Variants in LRRC37B observed in about 807,000 individuals in gnomAD.
The protein encoded by LRRC37B is leucine rich repeat containing 37B.
LRRC37B carries 28 observed loss-of-function variants against 98.3 expected under a neutral mutation model. That is an observed-to-expected ratio of 0.28 (90% CI 0.21 to 0.39). The LOEUF is 0.39. LRRC37B is among the 10% of genes least tolerant of loss of function. The probability of loss-of-function intolerance (pLI) is 1.00; values close to 1 mark genes in which losing one functional copy is unlikely to be tolerated. For synonymous variants in LRRC37B, 364 were observed against 442.7 expected, an observed-to-expected ratio of 0.82 and a Z score of 2.23; for missense variants, 938 against 1,182.7, an observed-to-expected ratio of 0.79 and a Z score of 3.03.
chr17:32,027,673 C>T (rs1911007481), intron 2 of LRRC37B, 96 bp from the exon 6 acceptor site: 6 of 1,118,280 alleles, frequency 5.4e-6, no homozygotes, highest in Non-Finnish European at 2.6e-6. Context: ...TTGAAATGAC[C>T]ATGACCCAGC....
At chr17:32,014,382 C>T (rs1409926972) in intron 1 of LRRC37B, among the ~76,000 whole-genome samples, 2 of 152,012 alleles carry the variant, frequency 1.3e-5, no homozygotes, top group African/African-American at 4.8e-5. Flanking sequence ...AATGTCAATC[C>T]AGAATTCTAT....
At chr17:32,039,577 A>T (rs1911365981) in intron 7 of LRRC37B, among the ~76,000 whole-genome samples, 1 of 128,558 alleles carries the variant, frequency 7.8e-6, no homozygotes, top group African/African-American at 2.9e-5. Flanking sequence ...ATATTTCTAT[A>T]TATATTTTAT....
intron 7 of LRRC37B, chr17:32,041,437 TCAA>T: frequency 1.4e-6 from 1 of 724,524 alleles, no homozygotes; most frequent in Non-Finnish European, 2.6e-6. Flanking sequence ...ATCAACCAGA[TCAA>T]CGAGAACTGG....
upstream of LRRC37B, among the ~76,000 whole-genome samples, chr17:32,020,482 G>A (rs1354455635): frequency 6.6e-6 from 1 of 152,018 alleles, no homozygotes; most frequent in African/African-American, 2.4e-5. Context: ...CTGTTCCCTC[G>A]GATTGAAGCC....
intron 1 of LRRC37B, among the ~76,000 whole-genome samples, chr17:32,011,807 C>T (rs1910532428): frequency 6.6e-6 from 1 of 152,126 alleles, no homozygotes; most frequent in African/African-American, 2.4e-5. Context: ...CCTTTGTGCA[C>T]TTTTAAAAAC....
intron 7 of LRRC37B, among the ~76,000 whole-genome samples, chr17:32,038,303 A>G (rs559102496): frequency 4.6e-5 from 7 of 152,016 alleles, no homozygotes; most frequent in Non-Finnish European, 8.8e-5. Flanking sequence ...TACCAAAAAC[A>G]TAAAAATTAG....
intron 9 of LRRC37B, chr17:32,048,898 A>T (rs1598215291): frequency 6.7e-7 from 1 of 1,488,458 alleles, no homozygotes; most frequent in African/African-American, 1.4e-5. Flanking sequence ...CAACTAATGT[A>T]AAAGACACAA....
chr17:32,019,933 C>T (rs1910724895), upstream of LRRC37B, among the ~76,000 whole-genome samples: 1 of 152,148 alleles, frequency 6.6e-6, no homozygotes, highest in African/African-American at 2.4e-5. Context: ...CTCACTGCAA[C>T]CTCTGCCTCC....
At chr17:32,021,169 G>A in exon 1 of LRRC37B, 1 of 1,613,616 alleles carries the variant, frequency 6.2e-7, no homozygotes, top group South Asian at 1.1e-5. Flanking sequence ...CGTTTCTGGG[G>A]CCCATGGCCC....
At chr17:32,036,154 C>T (rs1326916110) in intron 7 of LRRC37B, 2 of 153,768 alleles carry the variant, frequency 1.3e-5, no homozygotes, top group Non-Finnish European at 2.9e-5. Flanking sequence ...GTGTGTGCCA[C>T]CATGCCCAGA....
In LRRC37B at chr17:32,052,060, C is replaced by T. The variant is rs561206286; in HGVS notation, c.2863-1206C>T. 5.3e-3 allele frequency: 798 copies of T among 151,994 alleles called. 6 individuals are homozygous for T. The highest frequency in any genetic ancestry group is 0.018 in the African/African-American group (766 of 41,424). 9.4% of individuals were successfully genotyped at this position (151,994 alleles called of 1,614,324 possible). ...TTGTTTCTAGCCACCGTACTGAATT[C>T]TCATATTACTTCCAGTAAAATCTTA... On this transcript the variant is annotated intron_variant, in intron 11 of 11. Coordinates refer to ENST00000327564, the Ensembl canonical transcript of LRRC37B.
chr17:32,019,000 C>T (rs1910705704), upstream of LRRC37B, among the ~76,000 whole-genome samples: 1 of 152,146 alleles, frequency 6.6e-6, no homozygotes, highest in African/African-American at 2.4e-5. Flanking sequence ...GATCTCAGCT[C>T]ACTGCAACCT....
At chr17:32,047,551 G>A in intron 8 of LRRC37B, 5 of 644,108 alleles carry the variant, frequency 7.8e-6, no homozygotes, top group Non-Finnish European at 1.1e-5. Flanking sequence ...GTCACACTAT[G>A]GAATGTTCCA....
In LRRC37B at chr17:32,012,533, A is replaced by G. The variant is rs549113996; in HGVS notation, c.-191+4401A>G. On this transcript the variant is annotated intron_variant, in intron 1 of 14. Transcript: ENST00000543378. ...GGAGTTCAAGACCAGACCGGCCAAC[A>G]TGGCGAAACCCCGTCTCTACTAAAA... Among the ~76,000 whole-genome samples, 238 of 151,462 alleles carry G rather than the reference A, an allele frequency of 1.6e-3. 2 individuals carry two copies. The highest frequency in any genetic ancestry group is 5.5e-3 in the African/African-American group (228 of 41,202).
At chr17:32,039,479 A>AATAT (rs1185838390) in intron 7 of LRRC37B, among the ~76,000 whole-genome samples, 792 of 38,268 alleles carry the variant, frequency 0.021, 5 homozygotes, top group Middle Eastern at 0.025. Context: ...CCTGCCTAAA[A>AATAT]ATATATATAT....
At chr17:32,037,265 G>A (rs1465245651) in intron 7 of LRRC37B, among the ~76,000 whole-genome samples, 1 of 151,898 alleles carries the variant, frequency 6.6e-6, no homozygotes, top group African/African-American at 2.4e-5. Context: ...ACAGGCGTGA[G>A]CCACCATGTC....
exon 1 of LRRC37B, chr17:32,021,866 A>G: frequency 6.2e-7 from 1 of 1,614,048 alleles, no homozygotes; most frequent in East Asian, 2.2e-5. Flanking sequence ...TACCTCCAGA[A>G]CTCCGGGTGA....
At chr17:32,007,431 C>T (rs1910431252), upstream of LRRC37B, among the ~76,000 whole-genome samples, 1 of 152,170 alleles carries the variant, frequency 6.6e-6, no homozygotes, top group African/African-American at 2.4e-5. The surrounding 1 kb of genome is among the most constrained non-coding windows in gnomAD (Gnocchi z 4.1). Context: ...TGAAGGCGAT[C>T]TTGAGTGGGG....
intron 6 of LRRC37B, among the ~76,000 whole-genome samples, chr17:32,035,221 G>T (rs1238448252): frequency 1.3e-5 from 2 of 152,126 alleles, no homozygotes; most frequent in Admixed American, 1.3e-4. Context: ...TAGACACATG[G>T]AGGAATATTA....
Sources: gnomAD v4.1 joint callset for allele counts (sites outside exome capture counted in the v4.1 genomes callset) on GRCh38, gnomAD v4.1.1 for gene constraint, Gnocchi (gnomAD v3.1) non-coding constraint, MANE v1.5 for transcripts, NCBI Gene and HGNC (gene_info 2026-07-23, HGNC 2026-07-21) for gene names.